Variants in TDRP observed in about 807,000 individuals in gnomAD.
The protein encoded by TDRP is testis development-related protein.
A neutral mutation model predicts 10.5 loss-of-function variants in TDRP; 12 were observed. That is an observed-to-expected ratio of 1.15 (90% CI 0.73 to 1.86). The LOEUF (loss-of-function observed/expected upper bound fraction) is 1.86. Ranked by LOEUF, TDRP falls within the 40% of genes most tolerant of loss-of-function variation. The pLI is 0.00. For synonymous variants in TDRP, 139 were observed against 95.4 expected (o/e 1.46, Z -2.67); for missense variants, 353 against 229.2 (o/e 1.54, Z -3.49).
intron 1 of TDRP, among the ~76,000 whole-genome samples, chr8:523,285 G>C (rs1363096032): frequency 6.6e-6 from 1 of 152,056 alleles, no homozygotes; most frequent in Non-Finnish European, 1.5e-5. Flanking sequence ...ATTACTTTAT[G>C]TCTCCCCTTT....
intron 1 of TDRP, among the ~76,000 whole-genome samples, chr8:499,260 GTC>G (rs1225199412): frequency 1.3e-5 from 2 of 152,026 alleles, no homozygotes; most frequent in African/African-American, 4.8e-5. Context: ...TGGAGGCAGG[GTC>G]TCTCTGTTAC....
chr8:504,442 G>A (rs1801399248), intron 1 of TDRP, among the ~76,000 whole-genome samples: 1 of 152,122 alleles, frequency 6.6e-6, no homozygotes, highest in African/African-American at 2.4e-5. Flanking sequence ...AGGGCCTAGA[G>A]CAGTCCAGGA....
At chr8:544,866 G>A, upstream of TDRP, 2 of 765,262 alleles carry the variant, frequency 2.6e-6, no homozygotes, top group Non-Finnish European at 3.5e-6. Flanking sequence ...CGGGCCCAGT[G>A]GGCCGGGCGG....
chr8:512,471 G>C (rs888568481), intron 1 of TDRP, among the ~76,000 whole-genome samples: 1 of 151,742 alleles, frequency 6.6e-6, no homozygotes, highest in Admixed American at 6.6e-5. Flanking sequence ...GATAAATCTT[G>C]AAACTGACCA....
intron 2 of TDRP, 22 bp from the exon 3 acceptor site, chr8:492,766 G>A: frequency 1.3e-6 from 2 of 1,547,826 alleles, no homozygotes; most frequent in Non-Finnish European, 1.7e-6. Flanking sequence ...GAAAGAGTTA[G>A]GTGTTGGTGA....
chr8:491,598 C>A lies in TDRP; in HGVS notation c.*801G>T. 6.5e-7 allele frequency: 1 copy of A among 1,528,990 alleles called. No homozygotes were observed. The highest frequency in any genetic ancestry group is 1.2e-5 in the South Asian group (1 of 82,114). The allele number at this position is 1,528,990 out of a possible 1,614,324, so 94.7% of individuals were successfully genotyped here. A position where few individuals can be genotyped will look rare whatever the true frequency, so the allele number is the denominator to read the frequency against. On this transcript the variant is annotated 3_prime_UTR_variant, in exon 3 of 3. Coordinates refer to ENST00000324079, the MANE Select transcript of TDRP (RefSeq NM_001384899.1). Reference sequence around the variant, plus strand: ...CAGTATTTTATGCACAGTCTTAACTCTCTATAATGAGCAAGACAATGTTTC... The same window carrying A: ...CAGTATTTTATGCACAGTCTTAACTATCTATAATGAGCAAGACAATGTTTC...
chr8:515,720 A>G (rs1419698244), intron 1 of TDRP, among the ~76,000 whole-genome samples: 1 of 152,236 alleles, frequency 6.6e-6, no homozygotes, highest in Non-Finnish European at 1.5e-5. Flanking sequence ...AAGACAATGC[A>G]TAAGAGAGAA....
intron 2 of TDRP, among the ~76,000 whole-genome samples, chr8:493,979 A>C (rs1801055261): frequency 6.8e-6 from 1 of 146,712 alleles, no homozygotes. Context: ...CGAACACCAC[A>C]ACTCATTTCT....
chr8:491,816 T>C lies in TDRP; in HGVS notation c.*583A>G. On this transcript the variant is annotated 3_prime_UTR_variant, in exon 3 of 3. Coordinates refer to ENST00000324079, the MANE Select transcript of TDRP (RefSeq NM_001384899.1). ...AAGCTATTCCTCCCTCAGCAAAAGA[T>C]GAACATGCATTTTAAGATACATTTT... The C allele has an allele frequency of 1.6e-6, 2 of 1,248,072 alleles. No individual in the cohort carries two copies. Among genetic ancestry groups the C allele is most frequent in the Non-Finnish European group, 1.0e-6 (1 of 996,986 alleles). 77.3% of individuals were successfully genotyped at this position (1,248,072 alleles called of 1,614,324 possible).
At chr8:499,700 C>G (rs956380970) in intron 1 of TDRP, among the ~76,000 whole-genome samples, 1 of 152,228 alleles carries the variant, frequency 6.6e-6, no homozygotes, top group African/African-American at 2.4e-5. Context: ...CCATCAAAAC[C>G]AGATATCTCG....
intron 1 of TDRP, among the ~76,000 whole-genome samples, chr8:512,207 C>G (rs146206323): frequency 3.6e-4 from 54 of 151,768 alleles, no homozygotes; most frequent in African/African-American, 1.1e-3. Flanking sequence ...AGGTGGATCA[C>G]GAGGTGGAGA....
chr8:523,575 G>T (rs564913003), intron 1 of TDRP, among the ~76,000 whole-genome samples: 1 of 152,318 alleles, frequency 6.6e-6, no homozygotes, highest in African/African-American at 2.4e-5. Context: ...CCACTGCCCT[G>T]AAGGATATGT....
intron 1 of TDRP, among the ~76,000 whole-genome samples, chr8:536,512 CTAAA>C (rs1360245170): frequency 6.6e-6 from 1 of 152,126 alleles, no homozygotes; most frequent in African/African-American, 2.4e-5. Context: ...TTTATAAACT[CTAAA>C]TACTGATCAA....
intron 1 of TDRP, among the ~76,000 whole-genome samples, chr8:525,545 C>A (rs1471337982): frequency 3.3e-5 from 5 of 151,970 alleles, no homozygotes; most frequent in Non-Finnish European, 5.9e-5. Context: ...AAAGAGAAAT[C>A]AGGGGGATGA....
rs186522274 is a variant in TDRP, at chr8:502,254, T to C, written c.109-7657A>G. Among the ~76,000 whole-genome samples, 219 of 152,350 alleles carry C rather than the reference T, an allele frequency of 1.4e-3. 1 individual carries two copies. The highest frequency in any genetic ancestry group is 4.9e-3 in the African/African-American group (202 of 41,584). On this transcript the variant is annotated intron_variant, in intron 1 of 2. Transcript: ENST00000324079. The stretch of plus-strand genomic sequence containing the variant: ...CTTATCTTTAAACACACTGAAGCTA[T>C]TGAGAAACTGGCCATTCTGGAAAAC...
intron 1 of TDRP, among the ~76,000 whole-genome samples, chr8:508,148 G>C (rs1075035): frequency 0.23 from 34,523 of 152,116 alleles, 4,293 homozygotes; most frequent in African/African-American, 0.32. Context: ...GCATCAAAGA[G>C]AGAATGCCAG....
At chr8:544,931 C>G, upstream of TDRP, 1 of 347,296 alleles carries the variant, frequency 2.9e-6, no homozygotes, top group Non-Finnish European at 4.7e-6. Context: ...CCCCACCAGG[C>G]CCGCCCCAAA....
chr8:519,469 TC>T (rs1271113389), intron 1 of TDRP, among the ~76,000 whole-genome samples: 2 of 152,092 alleles, frequency 1.3e-5, no homozygotes, highest in African/African-American at 4.8e-5. Context: ...TTAACTACCT[TC>T]AAGTATAGAG....
intron 1 of TDRP, among the ~76,000 whole-genome samples, chr8:518,186 G>T (rs574599300): frequency 6.6e-6 from 1 of 152,306 alleles, no homozygotes; most frequent in Non-Finnish European, 1.5e-5. Context: ...GAGGGATGTT[G>T]GTAGCAGGGA....
Sources: gnomAD v4.1 joint callset for allele counts (sites outside exome capture counted in the v4.1 genomes callset) on GRCh38, gnomAD v4.1.1 for gene constraint, MANE v1.5 for transcripts, NCBI Gene and HGNC (gene_info 2026-07-23, HGNC 2026-07-21) for gene names.